Variants in CAMTA1 observed in about 807,000 individuals in gnomAD.
CAMTA1 encodes the protein calmodulin binding transcription activator 1.
In CAMTA1, 27 loss-of-function variants were observed where a neutral mutation model predicts 170.9. That is an observed-to-expected ratio of 0.16 (90% confidence interval 0.12 to 0.22). The LOEUF (loss-of-function observed/expected upper bound fraction) is 0.22. Ranked by LOEUF, CAMTA1 falls within the 10% of genes least tolerant of loss-of-function variation. The pLI, the probability that CAMTA1 is intolerant of heterozygous loss-of-function variation, is 1.00. For synonymous variants in CAMTA1, 833 were observed against 891.5 expected, an observed-to-expected ratio of 0.93 and a Z score of 1.17; for missense variants, 1,619 against 2,217.2, an observed-to-expected ratio of 0.73 and a Z score of 5.42.
chr1:7,420,018 G>A (rs764556017), intron 5 of CAMTA1, among the ~76,000 whole-genome samples: 7 of 152,154 alleles, frequency 4.6e-5, no homozygotes, highest in Non-Finnish European at 1.0e-4. Flanking sequence ...GTTACCTGGA[G>A]CCATCAGCTA....
intron 5 of CAMTA1, among the ~76,000 whole-genome samples, chr1:7,354,805 T>A (rs114273947): frequency 6.6e-6 from 1 of 152,194 alleles, no homozygotes; most frequent in African/African-American, 2.4e-5. Context: ...ATGTGCGTTT[T>A]TCTGATGATG....
intron 5 of CAMTA1, among the ~76,000 whole-genome samples, chr1:7,432,084 A>G (rs2092186805): frequency 1.3e-5 from 2 of 152,224 alleles, no homozygotes; most frequent in South Asian, 4.1e-4. Context: ...AGATGATCGA[A>G]CAACGCTGAC....
rs2096779922 is a variant in CAMTA1, at chr1:7,737,315, C to T, written c.3403C>T (p.Arg1135Trp). The T allele has an allele frequency of 2.5e-6, 4 of 1,614,176 alleles. No homozygotes were observed. The highest frequency in any genetic ancestry group is 3.4e-6 in the Non-Finnish European group (4 of 1,180,020). Residue 1135 changes from arginine to tryptophan, a missense_variant, in exon 15 of 23, where the codon CGG becomes TGG. Physicochemically the swap from Arg to Trp is moderately radical, Grantham distance 101. Transcript: ENST00000303635. The part of the protein sequence containing the change: ...AAVVLYKWDR[R>W]AISIPDSLGR... ...CGTCGTGCTGTACAAGTGGGACCGT[C>T]GGGCCATCTCGATTCCCGACTCTCT... is the stretch of plus-strand genomic sequence containing the variant.
At chr1:6,905,382 CAG>C (rs138914348) in intron 3 of CAMTA1, among the ~76,000 whole-genome samples, 7,866 of 151,982 alleles carry the variant, frequency 0.052, 246 homozygotes, top group East Asian at 0.099. Flanking sequence ...TTAGTAGAGA[CAG>C]GGTTTCACCA....
At chr1:7,058,969 T>C (rs957764326) in intron 3 of CAMTA1, among the ~76,000 whole-genome samples, 1 of 152,172 alleles carries the variant, frequency 6.6e-6, no homozygotes, top group Non-Finnish European at 1.5e-5. Flanking sequence ...TTCTAGACTC[T>C]AGTGAAAAAC....
chr1:7,326,149 G>T (rs1679231954), intron 5 of CAMTA1, among the ~76,000 whole-genome samples: 1 of 152,226 alleles, frequency 6.6e-6, no homozygotes, highest in African/African-American at 2.4e-5. Context: ...GTGAGCCACT[G>T]CACCTGGCCG....
In CAMTA1 at chr1:7,065,607, T is replaced by A. The variant is rs978720467; in HGVS notation, c.235-25697T>A. On this transcript the variant is annotated intron_variant, in intron 3 of 22. Coordinates refer to ENST00000303635, the MANE Select transcript of CAMTA1 (RefSeq NM_015215.4). This position sits in a 1 kb window ranked among gnomAD's most constrained non-coding sequence, Gnocchi z 5.2. ...GGATTCTACCTGGAGCAGGTGGGGG[T>A]GCTTATTTCATGGCCATAGGAGGGA... Among the ~76,000 whole-genome samples the A allele has an allele frequency of 6.6e-6, 1 of 151,322 alleles. No homozygotes were observed. Among genetic ancestry groups the A allele is most frequent in the African/African-American group, 2.4e-5 (1 of 41,042 alleles).
intron 4 of CAMTA1, among the ~76,000 whole-genome samples, chr1:7,103,202 C>T (rs1642947789): frequency 6.6e-6 from 1 of 151,946 alleles, no homozygotes; most frequent in Admixed American, 6.6e-5. Flanking sequence ...GCCTGGTTGC[C>T]CTAGGGATGG....
intron 3 of CAMTA1, among the ~76,000 whole-genome samples, chr1:7,089,393 T>C (rs866335658): frequency 2.6e-5 from 4 of 152,190 alleles, no homozygotes. Context: ...GTTAATTAAA[T>C]AATTGGCAAA....
At position 6,894,987 on chromosome 1, in the gene CAMTA1, C is replaced by T. The variant is rs191915581; in HGVS notation, c.234+69777C>T. On this transcript the variant is annotated intron_variant, in intron 3 of 22. Transcript: ENST00000303635. ...GACCAAGACTTTTCAGTAGGGAGGG[C>T]GAGGTCAAGGGAGGAGGCAAGAGGT... Among the ~76,000 whole-genome samples the T allele has an allele frequency of 5.3e-5, 8 of 152,220 alleles. No homozygotes were observed. In the East Asian group the frequency reaches 7.7e-4, roughly 15 times the overall value.
intron 6 of CAMTA1, among the ~76,000 whole-genome samples, chr1:7,625,550 C>T (rs1270375884): frequency 6.6e-6 from 1 of 152,258 alleles, no homozygotes; most frequent in Non-Finnish European, 1.5e-5. Context: ...TCCCTGCTAG[C>T]ACAGATGCCC....
intron 1 of CAMTA1, among the ~76,000 whole-genome samples, chr1:6,802,728 C>G (rs61780887): frequency 1.3e-5 from 2 of 150,952 alleles, no homozygotes; most frequent in Admixed American, 1.3e-4. Context: ...TTTTCTTTGT[C>G]TCTCTCTCTC....
intron 16 of CAMTA1, among the ~76,000 whole-genome samples, chr1:7,740,317 C>T (rs879280711): frequency 2.0e-5 from 3 of 152,196 alleles, no homozygotes; most frequent in South Asian, 4.1e-4. Context: ...TAGCATTAAA[C>T]GGAGGAGTGT....
In CAMTA1 at chr1:7,604,514, G is replaced by A. The variant is rs566185926; in HGVS notation, c.511-35886G>A. On this transcript the variant is annotated intron_variant, in intron 6 of 22. Coordinates refer to ENST00000303635, the MANE Select transcript of CAMTA1 (RefSeq NM_015215.4). The stretch of plus-strand genomic sequence containing the variant: ...GCATTCATCACATAGTTCTGAGGCC[G>A]TGGTTTTCAGCTCCATCAGGTCCTT... Among the ~76,000 whole-genome samples, 125 of 152,286 alleles carry A rather than the reference G, an allele frequency of 8.2e-4. 1 individual carries two copies. The highest frequency in any genetic ancestry group is 2.8e-3 in the African/African-American group (118 of 41,560).
intron 6 of CAMTA1, among the ~76,000 whole-genome samples, chr1:7,595,391 T>G (rs1461952694): frequency 1.3e-5 from 2 of 152,226 alleles, no homozygotes; most frequent in African/African-American, 4.8e-5. Context: ...TAAAAATACC[T>G]TTTAGAAAGC....
intron 3 of CAMTA1, 139 bp from the exon 4 acceptor site, chr1:7,091,165 G>A: frequency 1.4e-6 from 1 of 692,152 alleles, no homozygotes; most frequent in Non-Finnish European, 2.6e-6. Context: ...CAGAGTCCAA[G>A]TCGAGTATTT....
chr1:7,120,957 G>C (rs942563400), intron 4 of CAMTA1, among the ~76,000 whole-genome samples: 12 of 152,220 alleles, frequency 7.9e-5, no homozygotes, highest in African/African-American at 2.7e-4. Flanking sequence ...CTTCAGCAGA[G>C]ATGTCAGGGC....
chr1:7,295,453 G>A (rs1323205190), intron 5 of CAMTA1, among the ~76,000 whole-genome samples: 2 of 152,236 alleles, frequency 1.3e-5, no homozygotes, highest in Non-Finnish European at 2.9e-5. Flanking sequence ...GATCTGCACA[G>A]TGGTACTTAG....
intron 3 of CAMTA1, among the ~76,000 whole-genome samples, chr1:6,882,241 C>T (rs759262152): frequency 2.7e-4 from 41 of 152,188 alleles, no homozygotes; most frequent in Non-Finnish European, 4.3e-4. Flanking sequence ...TATCTGAGGC[C>T]GCTTTTGAGC....
Sources: allele counts gnomAD v4.1 joint callset (sites outside exome capture counted in the v4.1 genomes callset), GRCh38; gene constraint gnomAD v4.1.1; non-coding constraint Gnocchi (gnomAD v3.1); transcripts MANE v1.5; gene names NCBI Gene and HGNC (gene_info 2026-07-23, HGNC 2026-07-21).